Variants in APP observed in about 807,000 individuals in gnomAD.
APP encodes the protein amyloid beta precursor protein, also known as amyloid-beta precursor protein.
Under a neutral mutation model 101.4 loss-of-function variants are expected in APP, and 31 were observed. That is an observed-to-expected ratio of 0.31 (90% CI 0.23 to 0.41). The LOEUF is 0.41. APP is among the 10% of genes least tolerant of loss of function. The pLI, the probability that APP is intolerant of heterozygous loss-of-function variation, is 1.00. For missense variants in APP, 839 were observed against 1,003.7 expected (o/e 0.84, Z 2.22); for synonymous variants, 366 against 364.4 (o/e 1.00, Z -0.05).
At chr21:26,141,041 A>G (rs530004656) in intron 1 of APP, among the ~76,000 whole-genome samples, 1 of 152,346 alleles carries the variant, frequency 6.6e-6, no homozygotes, top group Non-Finnish European at 1.5e-5. Flanking sequence ...CTCATCTGTA[A>G]AATGGAGTAT....
intron 13 of APP, among the ~76,000 whole-genome samples, chr21:25,918,532 C>T (rs989485297): frequency 6.6e-5 from 10 of 151,842 alleles, no homozygotes; most frequent in African/African-American, 2.2e-4. Context: ...GTGCACCGTG[C>T]GCGAGCCGAA....
chr21:25,975,754 T>C (rs550716135), intron 10 of APP, among the ~76,000 whole-genome samples, 200 bp downstream of exon 10: 3 of 152,334 alleles, frequency 2.0e-5, no homozygotes, highest in Admixed American at 1.3e-4. Context: ...GGCAATGAAT[T>C]ATAACTTGAA....
intron 3 of APP, among the ~76,000 whole-genome samples, chr21:26,076,600 GTAATTT>G (rs1050080224): frequency 6.6e-6 from 1 of 152,098 alleles, no homozygotes; most frequent in African/African-American, 2.4e-5. Flanking sequence ...GGGCATAAAG[GTAATTT>G]TATATTTGTA....
At chr21:26,038,334 T>A (rs2146852092) in intron 5 of APP, among the ~76,000 whole-genome samples, 1 of 152,092 alleles carries the variant, frequency 6.6e-6, no homozygotes, top group East Asian at 1.9e-4. Flanking sequence ...AATTTTAAAA[T>A]AACTAATTAA....
intron 16 of APP, among the ~76,000 whole-genome samples, chr21:25,896,557 T>C (rs2038064031): frequency 6.6e-6 from 1 of 152,196 alleles, no homozygotes; most frequent in South Asian, 2.1e-4. Context: ...TTTAACCCTC[T>C]TACTGCACCT....
chr21:26,024,345 G>C (rs989726516), intron 5 of APP, among the ~76,000 whole-genome samples: 5 of 152,050 alleles, frequency 3.3e-5, no homozygotes, highest in African/African-American at 1.2e-4. Flanking sequence ...AAGCAGAAGG[G>C]AATTATTACC....
chr21:25,898,553 C>T (rs995860362), intron 15 of APP, among the ~76,000 whole-genome samples: 1 of 152,218 alleles, frequency 6.6e-6, no homozygotes, highest in African/African-American at 2.4e-5. Flanking sequence ...TGTTCCCACC[C>T]AGGGGCAGAT....
chr21:26,046,901 AC>A (rs1568905819), intron 5 of APP, among the ~76,000 whole-genome samples: 2 of 152,136 alleles, frequency 1.3e-5, no homozygotes, highest in Non-Finnish European at 2.9e-5. Context: ...AAAAAATCTT[AC>A]CCACGATGGC....
intron 6 of APP, among the ~76,000 whole-genome samples, chr21:26,013,975 GCTGACA>G (rs1481117415): frequency 8.5e-5 from 13 of 152,292 alleles, no homozygotes; most frequent in African/African-American, 3.1e-4. Context: ...TATGGTCAGT[GCTGACA>G]CTAGTTCTCT....
intron 1 of APP, among the ~76,000 whole-genome samples, chr21:26,144,396 A>G (rs2063113142): frequency 6.6e-6 from 1 of 152,200 alleles, no homozygotes; most frequent in South Asian, 2.1e-4. Context: ...GGTTTCATAT[A>G]TGGTTTATAA....
chr21:26,156,993 G>T (rs944063327), intron 1 of APP, among the ~76,000 whole-genome samples: 1 of 152,048 alleles, frequency 6.6e-6, no homozygotes, highest in African/African-American at 2.4e-5. Flanking sequence ...TTCTGAAGGT[G>T]GTATCCAGAA....
At chr21:25,887,716 AGT>A (rs766775988) in intron 17 of APP, among the ~76,000 whole-genome samples, 3 of 152,144 alleles carry the variant, frequency 2.0e-5, no homozygotes, top group Non-Finnish European at 4.4e-5. Flanking sequence ...AATCCCTGCC[AGT>A]GTGTTACAAC....
At chr21:26,155,987 C>G (rs948962589) in intron 1 of APP, among the ~76,000 whole-genome samples, 9 of 132,796 alleles carry the variant, frequency 6.8e-5, no homozygotes, top group African/African-American at 2.7e-4. Flanking sequence ...GACAACAGAG[C>G]GAGACTTCGT....
Position 25,897,663 on chromosome 21 carries a change from C to T in APP, c.1974G>A (p.Leu658=), listed in dbSNP as rs1747037723. The part of the protein sequence containing the change: ...RGLTTRPGSG[L]TNIKTEEISE... Reference sequence around the variant, plus strand: ...AGATCTCCTCCGTCTTGATATTTGTCAACCCAGAACCTGTATTACATCATA... The same window carrying T: ...AGATCTCCTCCGTCTTGATATTTGTTAACCCAGAACCTGTATTACATCATA... The change falls in exon 16 of 18, where the codon TTG becomes TTA. Residue 658 remains leucine, a synonymous_variant. Coordinates refer to ENST00000346798, the MANE Select transcript of APP (RefSeq NM_000484.4). 2.5e-6 allele frequency: 4 copies of T among 1,612,532 alleles called. No individual in the cohort carries two copies. Among genetic ancestry groups the T allele is most frequent in the African/African-American group, 1.3e-5 (1 of 74,886 alleles).
intron 5 of APP, among the ~76,000 whole-genome samples, chr21:26,025,298 C>T (rs181983472): frequency 6.6e-6 from 1 of 152,140 alleles, no homozygotes; most frequent in South Asian, 2.1e-4. Flanking sequence ...GTTAATTTAC[C>T]GTGTTTGAGA....
intron 1 of APP, among the ~76,000 whole-genome samples, chr21:26,152,234 G>A (rs1183375818): frequency 7.3e-6 from 1 of 137,472 alleles, no homozygotes; most frequent in African/African-American, 2.8e-5. Flanking sequence ...GCAGTGAGCC[G>A]AGATCGCGCC....
chr21:26,017,132 G>T (rs570250164), intron 6 of APP, among the ~76,000 whole-genome samples: 2 of 141,906 alleles, frequency 1.4e-5, no homozygotes, highest in African/African-American at 5.3e-5. Flanking sequence ...CCGGGAGGCC[G>T]AGCTTGCAGT....
chr21:26,084,315 G>A (rs1387082081), intron 3 of APP, among the ~76,000 whole-genome samples: 1 of 139,868 alleles, frequency 7.1e-6, no homozygotes, highest in Non-Finnish European at 1.5e-5. Flanking sequence ...CTCGGCTCAC[G>A]GCAAGCTCCG....
chr21:26,163,564 C>G (rs1047266719), intron 1 of APP, among the ~76,000 whole-genome samples: 1 of 152,234 alleles, frequency 6.6e-6, no homozygotes, highest in Non-Finnish European at 1.5e-5. Context: ...CTTAATCACT[C>G]CTCACTGTAT....
Sources: allele counts gnomAD v4.1 joint callset (sites outside exome capture counted in the v4.1 genomes callset), GRCh38; gene constraint gnomAD v4.1.1; transcripts MANE v1.5; gene names NCBI Gene and HGNC (gene_info 2026-07-23, HGNC 2026-07-21).